The following ADK variants were observed in gnomAD, a reference collection of about 807,000 sequenced individuals.
ADK encodes adenosine kinase.
In ADK, 24 loss-of-function variants were observed where a neutral mutation model predicts 44.7. That is an observed-to-expected ratio of 0.54 (90% CI 0.39 to 0.76). The LOEUF is 0.76. Ranked by LOEUF, ADK falls within the 30% of genes least tolerant of loss-of-function variation. The probability of loss-of-function intolerance (pLI) is 0.00; values close to 1 mark genes in which losing one functional copy is unlikely to be tolerated. For synonymous variants in ADK, 128 were observed against 142.6 expected, an observed-to-expected ratio of 0.90 and a Z score of 0.73; for missense variants, 321 against 425.1, an observed-to-expected ratio of 0.76 and a Z score of 2.15.
chr10:74,358,362 T>C (rs1482207962), intron 4 of ADK, among the ~76,000 whole-genome samples: 1 of 152,200 alleles, frequency 6.6e-6, no homozygotes, highest in Non-Finnish European at 1.5e-5. Context: ...TACTGTGATG[T>C]AGAACATTTG....
intron 4 of ADK, among the ~76,000 whole-genome samples, chr10:74,362,739 C>G (rs1183215745): frequency 6.6e-6 from 1 of 152,218 alleles, no homozygotes; most frequent in East Asian, 1.9e-4. Context: ...CTATTGCATT[C>G]TCTGAGCCTC....
At chr10:74,595,172 A>G (rs1851859086) in intron 8 of ADK, among the ~76,000 whole-genome samples, 1 of 131,332 alleles carries the variant, frequency 7.6e-6, no homozygotes, top group Non-Finnish European at 1.6e-5. Flanking sequence ...GCCAAACTCC[A>G]TCTCAAAAAA....
At chr10:74,157,142 A>G (rs1051110298) in intron 1 of ADK, among the ~76,000 whole-genome samples, 1 of 152,200 alleles carries the variant, frequency 6.6e-6, no homozygotes, top group African/African-American at 2.4e-5. Flanking sequence ...AGAGTCAGGA[A>G]CTGTGGTTTC....
intron 7 of ADK, among the ~76,000 whole-genome samples, chr10:74,588,409 A>G (rs1851599908): frequency 1.3e-5 from 2 of 152,000 alleles, no homozygotes. Context: ...CATTACATTG[A>G]CTTGTTAAAA....
intron 9 of ADK, among the ~76,000 whole-genome samples, chr10:74,607,225 A>G (rs1852354915): frequency 6.6e-6 from 1 of 152,130 alleles, no homozygotes; most frequent in African/African-American, 2.4e-5. Context: ...CATTTAGCCC[A>G]TTTACATTTA....
At chr10:74,480,082 T>C (rs1304330411) in intron 6 of ADK, among the ~76,000 whole-genome samples, 1 of 152,132 alleles carries the variant, frequency 6.6e-6, no homozygotes, top group East Asian at 1.9e-4. Flanking sequence ...TTTCTATTAC[T>C]TTATACTTTT....
chr10:74,371,620 A>C (rs181291738), intron 4 of ADK: 13 of 1,022,444 alleles, frequency 1.3e-5, no homozygotes, highest in East Asian at 2.4e-5. Context: ...GGTGGTACCA[A>C]TCTTGACTTC....
intron 6 of ADK, among the ~76,000 whole-genome samples, chr10:74,452,280 C>G (rs1225325278): frequency 1.3e-5 from 2 of 151,954 alleles, no homozygotes; most frequent in Non-Finnish European, 2.9e-5. Flanking sequence ...ATTTATTCTA[C>G]TCACCTACAG....
rs555918938 is a variant in ADK, at chr10:74,395,040, G to A, written c.446+727G>A. The stretch of plus-strand genomic sequence containing the variant: ...TAACGTTATTACCATATCAGCACAG[G>A]CTTTTTTCCCCTTTGCAAGGGAAAA... On this transcript the variant is annotated intron_variant, in intron 5 of 10. Transcript: ENST00000539909. Among the ~76,000 whole-genome samples the A allele has an allele frequency of 5.2e-4, 79 of 152,206 alleles. 1 individual carries two copies. In the Middle Eastern group the frequency reaches 0.01, roughly 20 times the overall value.
At chr10:74,499,603 G>A (rs983122243) in intron 6 of ADK, among the ~76,000 whole-genome samples, 53 of 152,080 alleles carry the variant, frequency 3.5e-4, no homozygotes, top group Non-Finnish European at 3.8e-4. Flanking sequence ...CAGGAGAATG[G>A]CGTGAACCCG....
chr10:74,283,854 G>A (rs562479614), intron 3 of ADK, among the ~76,000 whole-genome samples: 1 of 150,284 alleles, frequency 6.7e-6, no homozygotes, highest in African/African-American at 2.4e-5. Flanking sequence ...CTAATTTTTT[G>A]TATTTTTAGT....
At chr10:74,679,028 G>A (rs964042952) in intron 10 of ADK, among the ~76,000 whole-genome samples, 3 of 152,212 alleles carry the variant, frequency 2.0e-5, no homozygotes, top group African/African-American at 7.2e-5. Flanking sequence ...AGCTGGGCCT[G>A]TGCTTACCTG....
intron 6 of ADK, among the ~76,000 whole-genome samples, chr10:74,418,198 T>C (rs1162613054): frequency 1.3e-5 from 2 of 152,182 alleles, no homozygotes; most frequent in Non-Finnish European, 2.9e-5. Context: ...CTCCCCAAAA[T>C]AAAATGTTTC....
intron 6 of ADK, among the ~76,000 whole-genome samples, chr10:74,446,068 A>T (rs1845576505): frequency 6.6e-6 from 1 of 152,106 alleles, no homozygotes; most frequent in African/African-American, 2.4e-5. Context: ...CAATAAATAA[A>T]TTGGGAATAG....
chr10:74,537,529 T>C (rs1430028568), intron 7 of ADK, among the ~76,000 whole-genome samples: 1 of 152,242 alleles, frequency 6.6e-6, no homozygotes. Context: ...TTTGTAGTCA[T>C]TATCTAGCAG....
chr10:74,477,484 A>G (rs998289063), intron 6 of ADK, among the ~76,000 whole-genome samples: 3 of 152,232 alleles, frequency 2.0e-5, no homozygotes, highest in African/African-American at 7.2e-5. Flanking sequence ...CTGAGATTAC[A>G]GTAGTGCACC....
chr10:74,257,392 T>C (rs1845865310), intron 3 of ADK, among the ~76,000 whole-genome samples: 1 of 152,194 alleles, frequency 6.6e-6, no homozygotes, highest in Non-Finnish European at 1.5e-5. Context: ...ATAGTCAGTA[T>C]TTGCATAATA....
At chr10:74,432,429 TA>T (rs1372780984) in intron 6 of ADK, among the ~76,000 whole-genome samples, 19 of 152,202 alleles carry the variant, frequency 1.2e-4, no homozygotes, top group Admixed American at 1.2e-3. Flanking sequence ...GCAATAGAAA[TA>T]AATGGTGATA....
At chr10:74,617,262 G>T (rs922998449) in intron 9 of ADK, among the ~76,000 whole-genome samples, 1 of 152,076 alleles carries the variant, frequency 6.6e-6, no homozygotes, top group African/African-American at 2.4e-5. Flanking sequence ...GATATCAGTT[G>T]AAAAACCATC....
Sources: allele counts gnomAD v4.1 joint callset (sites outside exome capture counted in the v4.1 genomes callset), GRCh38; gene constraint gnomAD v4.1.1; transcripts MANE v1.5; gene names NCBI Gene and HGNC (gene_info 2026-07-23, HGNC 2026-07-21).